The following ABCB5 variants were observed in gnomAD, a reference collection of about 807,000 sequenced individuals.
ABCB5 encodes ATP binding cassette subfamily B member 5.
A neutral mutation model predicts 144.2 loss-of-function variants in ABCB5; 155 were observed. That is an observed-to-expected ratio of 1.08 (90% CI 0.94 to 1.23). ABCB5 has a LOEUF of 1.23. Among genes scored for constraint, ABCB5 ranks in the 50% most tolerant of loss-of-function variants. ABCB5 has a pLI of 0.00. For missense variants in ABCB5, 1,830 were observed against 1,520.8 expected (o/e 1.20, Z -3.38); for synonymous variants, 610 against 528.6 (o/e 1.15, Z -2.11).
chr7:20,628,973 C>A, intron 4 of ABCB5, 135 bp downstream of exon 4: 1 of 1,025,740 alleles, frequency 9.7e-7, no homozygotes, highest in Non-Finnish European at 1.4e-6. Flanking sequence ...GTCATTTATT[C>A]TGCCATATTG....
intron 4 of ABCB5, among the ~76,000 whole-genome samples, chr7:20,629,939 A>T (rs1461774677): frequency 6.6e-6 from 1 of 152,128 alleles, no homozygotes; most frequent in African/African-American, 2.4e-5. Flanking sequence ...ACAACTAGAG[A>T]CAGATACCCT....
chr7:20,732,452 G>A (rs1021438355), intron 23 of ABCB5, among the ~76,000 whole-genome samples: 2 of 152,102 alleles, frequency 1.3e-5, no homozygotes, highest in African/African-American at 4.8e-5. Context: ...AACCTATCTT[G>A]TTCACTGATG....
In ABCB5 at chr7:20,712,761, T is replaced by C. The variant is rs963227207; in HGVS notation, c.2421+7954T>C. ...CTATTCTAATATGTAGTATATACATTGGTAGTAGCTTTTTAAATTGATAAG... is the reference window on the plus strand; with the variant it reads ...CTATTCTAATATGTAGTATATACATCGGTAGTAGCTTTTTAAATTGATAAG... On this transcript the variant is annotated intron_variant, in intron 20 of 27. Coordinates refer to ENST00000404938, the MANE Select transcript of ABCB5 (RefSeq NM_001163941.2). 4.7e-5 allele frequency among the ~76,000 whole-genome samples: 7 copies of C among 149,534 alleles called. 1 individual carries two copies. Among genetic ancestry groups the C allele is most frequent in the African/African-American group, 1.7e-4 (7 of 40,462 alleles).
chr7:20,736,457 C>A (rs181642311), intron 23 of ABCB5, among the ~76,000 whole-genome samples: 4 of 152,252 alleles, frequency 2.6e-5, no homozygotes, highest in African/African-American at 9.6e-5. Context: ...ACCTCGTGAT[C>A]CACCCACCTC....
intron 25 of ABCB5, among the ~76,000 whole-genome samples, chr7:20,743,390 G>A (rs116958993): frequency 0.018 from 2,673 of 152,170 alleles, 32 homozygotes; most frequent in Non-Finnish European, 0.029. Context: ...TCGTGGCTCC[G>A]TATTCTGTTG....
At position 20,720,455 on chromosome 7, in the gene ABCB5, G is replaced by T. The variant is rs142524674; in HGVS notation, c.2422-2561G>T. Among the ~76,000 whole-genome samples, 142 of 152,248 alleles carry T rather than the reference G, an allele frequency of 9.3e-4. 1 individual carries two copies. The highest frequency in any genetic ancestry group is 3.2e-3 in the African/African-American group (132 of 41,554). ...ACCATCTTAATTAATTATTACAAGT[G>T]AACAATGCCTGGAATGGGACCAATC... On this transcript the variant is annotated intron_variant, in intron 20 of 27. Coordinates refer to ENST00000404938, the MANE Select transcript of ABCB5 (RefSeq NM_001163941.2).
intron 14 of ABCB5, among the ~76,000 whole-genome samples, chr7:20,660,702 A>C (rs1206220270): frequency 6.6e-6 from 1 of 152,160 alleles, no homozygotes; most frequent in Admixed American, 6.5e-5. Flanking sequence ...AGACTCTGTT[A>C]TATCATACAG....
In ABCB5 at chr7:20,643,534, A is replaced by G. The variant is rs374933535; in HGVS notation, c.580A>G (p.Ile194Val). Residue 194 changes from isoleucine (I) to valine (V), a missense_variant, in exon 7 of 28, where the codon ATT (isoleucine) becomes GTT (valine). Transcript: ENST00000404938. Reference sequence around the variant, plus strand: ...GTTTCAAAACATGTCTACTTTTTCGATTGGCCTGGCAGTTGGTTTGGTGAA... The same window carrying G: ...GTTTCAAAACATGTCTACTTTTTCGGTTGGCCTGGCAGTTGGTTTGGTGAA... ...LLFQNMSTFS[I>V]GLAVGLVKGW... 4 of 1,613,784 alleles carry G rather than the reference A, an allele frequency of 2.5e-6. No homozygotes were observed. The African/African-American group carries it at 5.3e-5, about 22-fold the overall frequency.
rs748144011 is a variant in ABCB5 at position 20,704,770 on chromosome 7, C to T, written c.2384C>T (p.Thr795Ile). ...DEKENSTGGL[T>I]TILAIDIAQI... ...AAGGAAAACAGCACAGGAGGCTTGA[C>T]AACAATATTAGCCATAGATATAGCA... The change falls in exon 20 of 28, where the codon ACA becomes ATA. Residue 795 changes from threonine (T) to isoleucine (I), a missense_variant. By Grantham distance (89) the Thr-to-Ile change is moderately conservative (BLOSUM62 -1). Coordinates refer to ENST00000404938, the MANE Select transcript of ABCB5 (RefSeq NM_001163941.2). 1 of 1,613,700 alleles carries T rather than the reference C, an allele frequency of 6.2e-7. No homozygotes were observed. Among genetic ancestry groups the T allele is most frequent in the East Asian group, 2.2e-5 (1 of 44,830 alleles).
chr7:20,704,378 G>C (rs912549248), intron 19 of ABCB5, among the ~76,000 whole-genome samples: 1 of 151,898 alleles, frequency 6.6e-6, no homozygotes, highest in African/African-American at 2.4e-5. Context: ...GGCCTTCATC[G>C]CCTTACTTTT....
intron 1 of ABCB5, among the ~76,000 whole-genome samples, chr7:20,618,152 A>G (rs1157354930): frequency 6.6e-6 from 1 of 152,200 alleles, no homozygotes; most frequent in Admixed American, 6.5e-5. Context: ...TTCAATTTAT[A>G]GTGGTTTTAT....
At chr7:20,647,017 C>T (rs1784427258) in intron 9 of ABCB5, among the ~76,000 whole-genome samples, 2 of 152,192 alleles carry the variant, frequency 1.3e-5, no homozygotes. Context: ...GGATTCTTTT[C>T]TTATTTGACT....
At chr7:20,616,871 A>G (rs1305719171) in intron 1 of ABCB5, among the ~76,000 whole-genome samples, 1 of 152,182 alleles carries the variant, frequency 6.6e-6, no homozygotes, top group Non-Finnish European at 1.5e-5. Context: ...AATTGCTTTG[A>G]CCTTGTGTCG....
chr7:20,631,775 T>C (rs1023448237), intron 4 of ABCB5, among the ~76,000 whole-genome samples: 2 of 152,148 alleles, frequency 1.3e-5, no homozygotes, highest in African/African-American at 2.4e-5. Context: ...ACTTTCCTGA[T>C]TGTTGTCTGA....
intron 1 of ABCB5, among the ~76,000 whole-genome samples, chr7:20,618,521 G>A (rs906473000): frequency 6.6e-6 from 1 of 152,036 alleles, no homozygotes; most frequent in Non-Finnish European, 1.5e-5. Context: ...CAGGTAGTGA[G>A]CATAGTACTC....
rs764961888 is a variant in ABCB5, at chr7:20,681,514, G to A, written c.1717G>A (p.Gly573Ser). 1 of 1,614,116 alleles carries A rather than the reference G, an allele frequency of 6.2e-7. No homozygotes were observed. Among genetic ancestry groups the A allele is most frequent in the East Asian group, 2.2e-5 (1 of 44,880 alleles). The change falls in exon 15 of 28, where the codon GGT becomes AGT. Residue 573 changes from glycine (G) to serine (S), a missense_variant. Transcript: ENST00000404938. ...GCATTTTATTCTGTAGGCGAGCAAA[G>A]GTCGGACTACAATCGTGGTAGCACA... ...VQAALEKASK[G>S]RTTIVVAHRL... is the part of the protein sequence containing the mutation.
At chr7:20,734,742 T>C (rs996181924) in intron 23 of ABCB5, among the ~76,000 whole-genome samples, 3 of 152,128 alleles carry the variant, frequency 2.0e-5, no homozygotes, top group African/African-American at 7.2e-5. Context: ...GCATTTAAAA[T>C]AAGGTGATAA....
chr7:20,658,578 C>A lies in ABCB5; in HGVS notation c.1609C>A (p.Arg537Ser). 1 of 1,614,096 alleles carries A rather than the reference C, an allele frequency of 6.2e-7. No homozygotes were observed. Among genetic ancestry groups the A allele is most frequent in the Non-Finnish European group, 8.5e-7 (1 of 1,180,022 alleles). ...GCAGAAACAGAGGATCGCAATTGCT[C>A]GTGCCTTAGTTCGAAACCCCAAGAT... The part of the protein sequence containing the change: ...GGQKQRIAIA[R>S]ALVRNPKILI... Residue 537 changes from arginine (R) to serine (S), a missense_variant, in exon 14 of 28, where the codon CGT (arginine) becomes AGT (serine). Arg to Ser is a moderately radical substitution (Grantham distance 110). Coordinates refer to ENST00000404938, the MANE Select transcript of ABCB5 (RefSeq NM_001163941.2).
Position 20,750,719 on chromosome 7 carries a change from C to T in ABCB5, c.3430-2641C>T, listed in dbSNP as rs1023540. Among the ~76,000 whole-genome samples, 4 of 151,888 alleles carry T rather than the reference C, an allele frequency of 2.6e-5. No homozygotes were observed. The South Asian group carries it at 6.2e-4, about 24-fold the overall frequency. ...AATTCTTAAATACAGATAACTCCAA[C>T]GGTTTCGGTAAGGGAGTGTGGATCT... On this transcript the variant is annotated intron_variant, in intron 26 of 27. Transcript: ENST00000404938.
Sources: gnomAD v4.1 joint callset for allele counts (sites outside exome capture counted in the v4.1 genomes callset) on GRCh38, gnomAD v4.1.1 for gene constraint, MANE v1.5 for transcripts, NCBI Gene and HGNC (gene_info 2026-07-23, HGNC 2026-07-21) for gene names.